Variants in MAPK10 observed in about 807,000 individuals in gnomAD.
MAPK10 encodes the protein mitogen-activated protein kinase 10.
Under a neutral mutation model 59.3 loss-of-function variants are expected in MAPK10, and 25 were observed. The ratio of observed to expected loss-of-function variants is 0.42; its 90% CI spans 0.31 to 0.59. The LOEUF (loss-of-function observed/expected upper bound fraction) is 0.59. Ranked by LOEUF, MAPK10 falls within the 20% of genes least tolerant of loss-of-function variation. MAPK10 has a pLI of 0.15. For missense variants in MAPK10, 351 were observed against 568.9 expected (o/e 0.62, Z 3.90); for synonymous variants, 190 against 200.5 (o/e 0.95, Z 0.44).
upstream of MAPK10, chr4:86,453,570 A>AC (rs1198718797): frequency 1.3e-4 from 7 of 52,416 alleles, no homozygotes; most frequent in Non-Finnish European, 1.9e-4. Flanking sequence ...CCTCACCCCC[A>AC]CCCCCCCACC....
At chr4:86,358,441 T>C (rs1489469470) in intron 1 of MAPK10, 10 of 902,506 alleles carry the variant, frequency 1.1e-5, no homozygotes, top group Non-Finnish European at 1.3e-5. Flanking sequence ...TTGCAGTTTG[T>C]TCATAAAAGT....
chr4:86,325,830 T>A (rs1337010189), intron 2 of MAPK10: 1 of 152,152 alleles, frequency 6.6e-6, no homozygotes, highest in African/African-American at 2.4e-5. Flanking sequence ...AAAATAATAT[T>A]TAAACTTTTA....
At chr4:86,022,184 TA>T (rs1362106221) in intron 13 of MAPK10, among the ~76,000 whole-genome samples, 1 of 152,220 alleles carries the variant, frequency 6.6e-6, no homozygotes, top group Admixed American at 6.5e-5. Flanking sequence ...AACTGTTTTC[TA>T]AAGTGGGTGC....
intron 1 of MAPK10, among the ~76,000 whole-genome samples, chr4:86,437,055 G>A (rs867554016): frequency 1.3e-5 from 2 of 151,682 alleles, no homozygotes; most frequent in Non-Finnish European, 2.9e-5. Context: ...TACTAAAAAT[G>A]CAAAAAAAAT....
chr4:86,017,064 AGAAGCAG>A lies in MAPK10; in HGVS notation c.*157_*163del. ...TAGCTGCAATACAGAACCCTGGGGA[AGAAGCAG>A]GCTGAAAGATTTATTTAATTTTAGG... On this transcript the variant is annotated 3_prime_UTR_variant, in exon 14 of 14. Coordinates refer to ENST00000641462, the MANE Select transcript of MAPK10 (RefSeq NM_138982.4). The surrounding 1 kb of genome is among the most constrained non-coding windows in gnomAD (Gnocchi z 4.4). The A allele has an allele frequency of 1.4e-6, 1 of 726,936 alleles. No homozygotes were observed. Among genetic ancestry groups the A allele is most frequent in the Non-Finnish European group, 2.2e-6 (1 of 454,610 alleles). 45.0% of individuals were successfully genotyped at this position (726,936 alleles called of 1,614,324 possible). A position where few individuals can be genotyped will look rare whatever the true frequency, so the allele number is the denominator to read the frequency against.
chr4:86,035,085 AG>A (rs905921254), intron 11 of MAPK10, among the ~76,000 whole-genome samples: 6 of 152,146 alleles, frequency 3.9e-5, no homozygotes, highest in Non-Finnish European at 5.9e-5. Flanking sequence ...AGGATGATCC[AG>A]GGGGCCAGGC....
intron 2 of MAPK10, among the ~76,000 whole-genome samples, chr4:86,229,393 T>A (rs1488806234): frequency 6.6e-6 from 1 of 152,180 alleles, no homozygotes; most frequent in Non-Finnish European, 1.5e-5. Context: ...TTAAGATGAA[T>A]CTATATTATG....
chr4:86,426,229 T>C (rs530468118), intron 1 of MAPK10, among the ~76,000 whole-genome samples: 1 of 152,362 alleles, frequency 6.6e-6, no homozygotes, highest in Non-Finnish European at 1.5e-5. Context: ...TCCTTTTCTT[T>C]AAATGTTATT....
At chr4:86,422,870 C>T (rs754952093) in intron 1 of MAPK10, among the ~76,000 whole-genome samples, 2 of 152,048 alleles carry the variant, frequency 1.3e-5, no homozygotes, top group Non-Finnish European at 2.9e-5. Flanking sequence ...TATTAGGAAG[C>T]AAAACACATT....
In MAPK10 at chr4:86,359,993, G is replaced by GAA; in HGVS notation, c.-459_-458dup. 1 of 985,906 alleles carries GAA rather than the reference G, an allele frequency of 1.0e-6. No homozygotes were observed. The highest frequency in any genetic ancestry group is 4.7e-5 in the South Asian group (1 of 21,288). The allele number at this position is 985,906 out of a possible 1,614,324, so 61.1% of individuals were successfully genotyped here. A position where few individuals can be genotyped will look rare whatever the true frequency, so the allele number is the denominator to read the frequency against. The stretch of plus-strand genomic sequence containing the variant: ...GAAAATAGAAGAAGAGTGGCTTGCT[G>GAA]AATCACCCTCTTTCACTGCCTGGAA... On this transcript the variant is annotated 5_prime_UTR_variant, in exon 1 of 14. Coordinates refer to ENST00000641462, the MANE Select transcript of MAPK10 (RefSeq NM_138982.4).
chr4:86,378,905 A>T (rs556941082), intron 1 of MAPK10, among the ~76,000 whole-genome samples: 3 of 152,320 alleles, frequency 2.0e-5, no homozygotes, highest in African/African-American at 7.2e-5. Context: ...AAACAGTTCT[A>T]CCTGAGGGTG....
At chr4:86,270,852 T>C (rs542951805) in intron 2 of MAPK10, among the ~76,000 whole-genome samples, 2 of 152,270 alleles carry the variant, frequency 1.3e-5, no homozygotes, top group South Asian at 4.1e-4. Context: ...ATCGCATTAA[T>C]AGTTGATGAA....
rs900868561 is a variant in MAPK10, at chr4:86,175,293, G to A, written c.67-15826C>T. 2.0e-5 allele frequency among the ~76,000 whole-genome samples: 3 copies of A among 152,268 alleles called. No homozygotes were observed. The East Asian group carries it at 5.8e-4, about 29-fold the overall frequency. On this transcript the variant is annotated intron_variant, in intron 3 of 13. Coordinates refer to ENST00000641462, the MANE Select transcript of MAPK10 (RefSeq NM_138982.4). ...TATATTTTTAGAAAAGAGAATTAGA[G>A]TTTTTCAAATGCTACATTTAAGAAT...
chr4:86,051,886 A>C (rs2043605925), intron 11 of MAPK10, among the ~76,000 whole-genome samples: 1 of 152,200 alleles, frequency 6.6e-6, no homozygotes, highest in African/African-American at 2.4e-5. Flanking sequence ...AACATGGCAG[A>C]GGAAAATAAA....
At chr4:86,456,679 AAAAAAAGTCCGGAACCAG>A (rs1179666968), upstream of MAPK10, among the ~76,000 whole-genome samples, 3 of 152,110 alleles carry the variant, frequency 2.0e-5, no homozygotes, top group Admixed American at 6.5e-5. Flanking sequence ...ATTACCAACA[AAAAAAAGTCCGGAACCAG>A]ATGGATTCAC....
intron 1 of MAPK10, among the ~76,000 whole-genome samples, chr4:86,525,272 G>T (rs922179094): frequency 6.6e-6 from 1 of 152,052 alleles, no homozygotes; most frequent in East Asian, 1.9e-4. Context: ...CTCCAGCCTG[G>T]GTGACAGAGT....
chr4:86,068,772 T>C (rs947760948), intron 9 of MAPK10, among the ~76,000 whole-genome samples: 7 of 152,116 alleles, frequency 4.6e-5, no homozygotes, highest in African/African-American at 1.7e-4. Flanking sequence ...AGCTAGCTCT[T>C]TTTGCAGACA....
Position 86,324,973 on chromosome 4 carries a change from T to G in MAPK10, c.-7+29557A>C, listed in dbSNP as rs1404975860. Among the ~76,000 whole-genome samples, 3 of 152,352 alleles carry G rather than the reference T, an allele frequency of 2.0e-5. No individual in the cohort carries two copies. The East Asian group carries it at 5.8e-4, about 29-fold the overall frequency. ...AGCTCTCAGACTTGAGCCATTGCAC[T>G]TTGTGCATATTGACTTCTAAATTGC... On this transcript the variant is annotated intron_variant, in intron 2 of 13. Coordinates refer to ENST00000641462, the MANE Select transcript of MAPK10 (RefSeq NM_138982.4).
At chr4:86,270,479 C>T (rs1304596861) in intron 2 of MAPK10, among the ~76,000 whole-genome samples, 1 of 151,872 alleles carries the variant, frequency 6.6e-6, no homozygotes, top group African/African-American at 2.4e-5. Flanking sequence ...CAGTCTCAAT[C>T]AAAATTTTAG....
Sources: gnomAD v4.1 joint callset for allele counts (sites outside exome capture counted in the v4.1 genomes callset) on GRCh38, gnomAD v4.1.1 for gene constraint, Gnocchi (gnomAD v3.1) non-coding constraint, MANE v1.5 for transcripts, NCBI Gene and HGNC (gene_info 2026-07-23, HGNC 2026-07-21) for gene names.